The following TBCK variants were observed in gnomAD, a reference collection of about 807,000 sequenced individuals.
TBCK encodes TBC domain-containing protein kinase-like protein.
TBCK carries 99 observed loss-of-function variants against 113.4 expected under a neutral mutation model. The observed-to-expected ratio is 0.87, with a 90% CI of 0.74 to 1.03. The LOEUF (loss-of-function observed/expected upper bound fraction) is 1.03, where lower values mean the gene tolerates loss of function less well. TBCK is among the 50% of genes least tolerant of loss of function. The pLI is 0.00. For missense variants in TBCK, 1,045 were observed against 1,061.3 expected (o/e 0.98, Z 0.21); for synonymous variants, 369 against 370.8 (o/e 1.00, Z 0.05).
chr4:106,262,017 CCT>C (rs1332893280), intron 4 of TBCK, 79 bp downstream of exon 4: 1 of 627,522 alleles, frequency 1.6e-6, no homozygotes, highest in Non-Finnish European at 2.6e-6. Flanking sequence ...TTCTATTGTT[CCT>C]CTGACTGAGT....
chr4:106,050,301 A>C (rs1374459077), intron 25 of TBCK, among the ~76,000 whole-genome samples: 1 of 152,062 alleles, frequency 6.6e-6, no homozygotes, highest in Non-Finnish European at 1.5e-5. Context: ...CAGAAAAAAA[A>C]CGGTAAGATG....
At chr4:106,072,382 T>C (rs1737573559) in intron 25 of TBCK, among the ~76,000 whole-genome samples, 1 of 152,240 alleles carries the variant, frequency 6.6e-6, no homozygotes, top group South Asian at 2.1e-4. Context: ...TATGAAATTC[T>C]GGGTTGAAAA....
intron 24 of TBCK, among the ~76,000 whole-genome samples, chr4:106,107,866 TAAC>T (rs1463063929): frequency 6.6e-6 from 1 of 151,948 alleles, no homozygotes; most frequent in Non-Finnish European, 1.5e-5. Flanking sequence ...TTGAAAAAAT[TAAC>T]AAGATAGGCC....
At chr4:106,226,156 C>A (rs921319090) in intron 19 of TBCK, among the ~76,000 whole-genome samples, 3 of 151,988 alleles carry the variant, frequency 2.0e-5, no homozygotes, top group Non-Finnish European at 2.9e-5. Context: ...AGAGCCAGAC[C>A]TTGTATCAAA....
chr4:106,105,474 T>C (rs1742041254), intron 24 of TBCK, among the ~76,000 whole-genome samples: 1 of 152,124 alleles, frequency 6.6e-6, no homozygotes, highest in Admixed American at 6.5e-5. Context: ...TCATGAACTA[T>C]AGCAGGCACT....
At chr4:106,214,807 G>T (rs1756658450) in intron 19 of TBCK, among the ~76,000 whole-genome samples, 1 of 151,550 alleles carries the variant, frequency 6.6e-6, no homozygotes, top group South Asian at 2.1e-4. Context: ...TATTATCCAG[G>T]AGAATTTCCC....
At chr4:106,283,358 G>A (rs1276349632) in intron 3 of TBCK, among the ~76,000 whole-genome samples, 1 of 152,114 alleles carries the variant, frequency 6.6e-6, no homozygotes, top group African/African-American at 2.4e-5. Flanking sequence ...TTATAAGCCT[G>A]AAGGGGGAAA....
At chr4:106,216,298 T>C (rs1324608258) in intron 19 of TBCK, among the ~76,000 whole-genome samples, 1 of 150,564 alleles carries the variant, frequency 6.6e-6, no homozygotes, top group African/African-American at 2.4e-5. Context: ...AACATCACAA[T>C]TAAAAGAACA....
intron 24 of TBCK, among the ~76,000 whole-genome samples, chr4:106,109,353 C>A (rs1178076593): frequency 6.6e-6 from 1 of 152,104 alleles, no homozygotes; most frequent in South Asian, 2.1e-4. Flanking sequence ...CTGGAGACAT[C>A]ATGCTACCCA....
intron 25 of TBCK, among the ~76,000 whole-genome samples, chr4:106,054,257 A>T (rs1735146672): frequency 6.6e-6 from 1 of 151,604 alleles, no homozygotes; most frequent in South Asian, 2.1e-4. Flanking sequence ...CCCAGTCCAA[A>T]CCACCATCAT....
At chr4:106,180,158 C>CTT (rs770337585) in intron 22 of TBCK, among the ~76,000 whole-genome samples, 1 of 150,258 alleles carries the variant, frequency 6.7e-6, no homozygotes, top group Non-Finnish European at 1.5e-5. Context: ...ATAGTTGTGT[C>CTT]TTTTTTTTTA....
chr4:106,130,319 G>A (rs1440271609), intron 23 of TBCK, among the ~76,000 whole-genome samples: 2 of 151,908 alleles, frequency 1.3e-5, no homozygotes, highest in Non-Finnish European at 2.9e-5. Flanking sequence ...ATAAAAAGTT[G>A]CACAGAAAAA....
At chr4:106,285,062 C>T (rs1254922360) in intron 3 of TBCK, among the ~76,000 whole-genome samples, 1 of 152,022 alleles carries the variant, frequency 6.6e-6, no homozygotes, top group Non-Finnish European at 1.5e-5. Context: ...TTAACTTAAA[C>T]TGAAGAGAAA....
intron 23 of TBCK, among the ~76,000 whole-genome samples, chr4:106,120,757 T>G (rs111474189): frequency 6.6e-6 from 1 of 152,310 alleles, no homozygotes; most frequent in South Asian, 2.1e-4. Flanking sequence ...CTGAGGGTCC[T>G]GTCTGTTAGA....
intron 3 of TBCK, among the ~76,000 whole-genome samples, chr4:106,290,336 C>G (rs1340096235): frequency 6.6e-6 from 1 of 151,988 alleles, no homozygotes; most frequent in Non-Finnish European, 1.5e-5. Flanking sequence ...TGCCACCACG[C>G]CTGGTTAATT....
intron 25 of TBCK, among the ~76,000 whole-genome samples, chr4:106,063,591 G>C (rs1025470208): frequency 1.3e-4 from 19 of 151,994 alleles, no homozygotes; most frequent in East Asian, 5.8e-4. Flanking sequence ...TTGAGCAAAG[G>C]GGGGAAGGTG....
At chr4:106,259,767 T>C (rs1165113086) in intron 5 of TBCK, among the ~76,000 whole-genome samples, 1 of 151,852 alleles carries the variant, frequency 6.6e-6, no homozygotes, top group Non-Finnish European at 1.5e-5. Context: ...CAACTTAATC[T>C]TCAGAAAAGA....
At chr4:106,102,820 T>TA (rs1186220946) in intron 24 of TBCK, among the ~76,000 whole-genome samples, 3 of 152,172 alleles carry the variant, frequency 2.0e-5, no homozygotes, top group Non-Finnish European at 2.9e-5. Flanking sequence ...GAAAAGGTGT[T>TA]AGAGAAAGTT....
chr4:106,073,113 T>A (rs1221001132), intron 25 of TBCK, among the ~76,000 whole-genome samples: 2 of 152,238 alleles, frequency 1.3e-5, no homozygotes, highest in East Asian at 3.8e-4. Flanking sequence ...CTTGTCAAAG[T>A]CATTCTCCGT....
Sources: gnomAD v4.1 joint callset for allele counts (sites outside exome capture counted in the v4.1 genomes callset) on GRCh38, gnomAD v4.1.1 for gene constraint, MANE v1.5 for transcripts, NCBI Gene and HGNC (gene_info 2026-07-23, HGNC 2026-07-21) for gene names.